The following RASGRF2 variants were observed in gnomAD, a reference collection of about 807,000 sequenced individuals.
RASGRF2 encodes the protein ras-specific guanine nucleotide-releasing factor 2.
In RASGRF2, 76 loss-of-function variants were observed where a neutral mutation model predicts 151.0. The ratio of observed to expected loss-of-function variants is 0.50; its 90% confidence interval spans 0.42 to 0.61. RASGRF2 has a LOEUF of 0.61. RASGRF2 is among the 20% of genes least tolerant of loss of function. The pLI, the probability that RASGRF2 is intolerant of heterozygous loss-of-function variation, is 0.00. For synonymous variants in RASGRF2, 504 were observed against 566.5 expected, an observed-to-expected ratio of 0.89 and a Z score of 1.57; for missense variants, 1,148 against 1,564.6, an observed-to-expected ratio of 0.73 and a Z score of 4.49.
intron 1 of RASGRF2, among the ~76,000 whole-genome samples, chr5:80,992,903 A>G (rs1748700050): frequency 6.6e-6 from 1 of 152,234 alleles, no homozygotes; most frequent in East Asian, 1.9e-4. Flanking sequence ...AATTTGGCCA[A>G]GAGCTTCCAG....
At chr5:81,053,732 A>C (rs887912229) in intron 2 of RASGRF2, among the ~76,000 whole-genome samples, 2 of 152,208 alleles carry the variant, frequency 1.3e-5, no homozygotes, top group African/African-American at 2.4e-5. Context: ...ACTAGTTTAC[A>C]GTCCCACCAA....
intron 17 of RASGRF2, among the ~76,000 whole-genome samples, chr5:81,154,422 G>T (rs1345892004): frequency 6.6e-6 from 1 of 152,080 alleles, no homozygotes; most frequent in Non-Finnish European, 1.5e-5. Context: ...TAGAGACAGG[G>T]TCTCACTATG....
chr5:81,084,510 G>A (rs1467073806), intron 7 of RASGRF2, among the ~76,000 whole-genome samples: 2 of 152,104 alleles, frequency 1.3e-5, no homozygotes, highest in Non-Finnish European at 2.9e-5. Context: ...CGATGAAGGG[G>A]GCCTATTTGT....
chr5:81,023,583 G>A (rs780274766), intron 1 of RASGRF2, among the ~76,000 whole-genome samples: 6 of 152,202 alleles, frequency 3.9e-5, no homozygotes, highest in African/African-American at 7.2e-5. Context: ...TTGTGATTTA[G>A]CTGAATTTGT....
At chr5:81,192,841 T>C (rs1755179448) in intron 18 of RASGRF2, among the ~76,000 whole-genome samples, 1 of 151,820 alleles carries the variant, frequency 6.6e-6, no homozygotes, top group South Asian at 2.1e-4. Flanking sequence ...CTGGCCCGAG[T>C]CTAAACTAAC....
intron 12 of RASGRF2, among the ~76,000 whole-genome samples, chr5:81,100,062 C>T (rs1350070038): frequency 1.3e-5 from 2 of 152,014 alleles, no homozygotes; most frequent in African/African-American, 4.8e-5. Context: ...CACCCACCAG[C>T]ATGCCCAGCT....
At chr5:81,147,878 C>T (rs1754040888) in intron 17 of RASGRF2, among the ~76,000 whole-genome samples, 1 of 152,178 alleles carries the variant, frequency 6.6e-6, no homozygotes, top group African/African-American at 2.4e-5. Context: ...GTTACACTGC[C>T]AGAGATTTCC....
chr5:81,042,771 C>T (rs1049905686), intron 1 of RASGRF2, 106 bp from the exon 2 acceptor site: 2 of 766,156 alleles, frequency 2.6e-6, no homozygotes, highest in South Asian at 1.8e-5. Flanking sequence ...TGCATAAGCA[C>T]TGATGCATTT....
chr5:81,100,109 G>A (rs1440605202), intron 12 of RASGRF2, among the ~76,000 whole-genome samples: 4 of 151,802 alleles, frequency 2.6e-5, no homozygotes, highest in Admixed American at 6.6e-5. Flanking sequence ...AGGTTTCACC[G>A]TGTTAGCCAG....
chr5:81,109,670 A>C (rs1374391374), intron 13 of RASGRF2, among the ~76,000 whole-genome samples: 1 of 152,208 alleles, frequency 6.6e-6, no homozygotes, highest in Non-Finnish European at 1.5e-5. Flanking sequence ...CATTTAAAAA[A>C]AAAATACCAA....
At chr5:81,087,075 C>T (rs1217339577) in intron 9 of RASGRF2, 122 bp downstream of exon 9, 9 of 890,032 alleles carry the variant, frequency 1.0e-5, no homozygotes, top group East Asian at 2.4e-5. Context: ...GACCCCCCCA[C>T]GGCCTTCGCC....
intron 19 of RASGRF2, among the ~76,000 whole-genome samples, chr5:81,205,365 G>C (rs887499829): frequency 1.3e-5 from 2 of 152,240 alleles, no homozygotes; most frequent in Non-Finnish European, 2.9e-5. Flanking sequence ...GAGCAACTTA[G>C]TCAGTGTCTT....
At chr5:81,032,649 AAAT>A (rs1750305813) in intron 1 of RASGRF2, among the ~76,000 whole-genome samples, 1 of 152,190 alleles carries the variant, frequency 6.6e-6, no homozygotes, top group Non-Finnish European at 1.5e-5. Context: ...ACGTATCTCA[AAAT>A]AATAAGAGCT....
chr5:81,039,808 CAT>C (rs1459219764), intron 1 of RASGRF2, among the ~76,000 whole-genome samples: 19 of 152,070 alleles, frequency 1.2e-4, no homozygotes, highest in African/African-American at 4.1e-4. Context: ...ATTTTTCCCA[CAT>C]GTCTTTATGC....
At chr5:81,122,902 C>T (rs376891328) in intron 15 of RASGRF2, among the ~76,000 whole-genome samples, 2 of 152,106 alleles carry the variant, frequency 1.3e-5, no homozygotes, top group South Asian at 4.2e-4. Context: ...CTCAAATGAC[C>T]TTAAACCCTC....
chr5:81,036,196 A>G (rs1220013009), intron 1 of RASGRF2, among the ~76,000 whole-genome samples: 1 of 152,156 alleles, frequency 6.6e-6, no homozygotes, highest in Non-Finnish European at 1.5e-5. Context: ...TTCATATTTT[A>G]AAATAATATG....
At chr5:81,186,565 C>A (rs774127373) in intron 18 of RASGRF2, among the ~76,000 whole-genome samples, 2 of 151,848 alleles carry the variant, frequency 1.3e-5, no homozygotes, top group Non-Finnish European at 2.9e-5. Context: ...AACACAGACA[C>A]ACACACGCGC....
At chr5:81,065,343 T>A (rs1049242417) in intron 2 of RASGRF2, among the ~76,000 whole-genome samples, 1 of 152,242 alleles carries the variant, frequency 6.6e-6, no homozygotes, top group Non-Finnish European at 1.5e-5. Context: ...CAGTGTATTT[T>A]ATTTCCAGGC....
intron 5 of RASGRF2, among the ~76,000 whole-genome samples, chr5:81,076,608 G>T (rs1026463474): frequency 2.7e-5 from 4 of 150,886 alleles, no homozygotes; most frequent in Non-Finnish European, 5.9e-5. Flanking sequence ...AAGTGTCGGA[G>T]TTGGAGAAGA....
Sources: allele counts gnomAD v4.1 joint callset (sites outside exome capture counted in the v4.1 genomes callset), GRCh38; gene constraint gnomAD v4.1.1; transcripts MANE v1.5; gene names NCBI Gene and HGNC (gene_info 2026-07-23, HGNC 2026-07-21).